The following CHIC2 variants were observed in gnomAD, a reference collection of about 807,000 sequenced individuals.
CHIC2 encodes the protein cysteine rich hydrophobic domain 2.
CHIC2 carries 14 observed loss-of-function variants against 25.9 expected under a neutral mutation model. The observed-to-expected ratio is 0.54, with a 90% CI of 0.36 to 0.85. The LOEUF (loss-of-function observed/expected upper bound fraction) is 0.85. Among genes scored for constraint, CHIC2 ranks in the 40% least tolerant of loss-of-function variants. CHIC2 has a pLI of 0.01. For synonymous variants in CHIC2, 70 were observed against 72.0 expected (o/e 0.97, Z 0.14); for missense variants, 146 against 202.0 (o/e 0.72, Z 1.68).
chr4:54,075,776 A>G, the CHIC2 span, among the ~76,000 whole-genome samples: 1 of 151,394 alleles, frequency 6.6e-6, no homozygotes, highest in Non-Finnish European at 1.5e-5. Flanking sequence ...CTGGCCTTGA[A>G]CTCCTGACCT....
chr4:54,017,029 T>C (rs1715758788), intron 3 of CHIC2, among the ~76,000 whole-genome samples: 1 of 152,088 alleles, frequency 6.6e-6, no homozygotes, highest in African/African-American at 2.4e-5. Flanking sequence ...CTAAAAAAAA[T>C]GACACTTCAG....
chr4:54,050,287 C>A (rs1396301847), intron 1 of CHIC2, among the ~76,000 whole-genome samples: 1 of 152,096 alleles, frequency 6.6e-6, no homozygotes, highest in Non-Finnish European at 1.5e-5. Context: ...TCCAACTTTA[C>A]ACCTAAATCT....
upstream of CHIC2, chr4:54,064,831 C>T (rs1216682621): frequency 2.3e-5 from 5 of 215,102 alleles, no homozygotes; most frequent in South Asian, 1.7e-4. This position sits in a 1 kb window ranked among gnomAD's most constrained non-coding sequence, Gnocchi z 4.2. Context: ...CCGGCGGGCC[C>T]CCCTCCGCCG....
chr4:54,071,136 G>T, the CHIC2 span, among the ~76,000 whole-genome samples: 3 of 152,268 alleles, frequency 2.0e-5, no homozygotes, highest in African/African-American at 2.4e-5. Context: ...TCTAAACTAG[G>T]CTGGGAGCTT....
chr4:54,058,569 C>T (rs989327810), intron 1 of CHIC2, among the ~76,000 whole-genome samples: 2 of 150,930 alleles, frequency 1.3e-5, no homozygotes, highest in Non-Finnish European at 3.0e-5. Flanking sequence ...TACACACACA[C>T]ACACACACAC....
chr4:54,062,334 T>G (rs1434712693), intron 1 of CHIC2, among the ~76,000 whole-genome samples: 1 of 135,668 alleles, frequency 7.4e-6, no homozygotes, highest in Admixed American at 6.9e-5. Context: ...TGAGATTTTA[T>G]TTATTTATTT....
rs773354784 is a variant in CHIC2 at position 54,064,154 on chromosome 4, C to A, written c.119+28G>T. ...ACGGGGCCCACCCCAGCCCGCACCT[C>A]CCGCCCTCGCCCTCCTCCGGGCCTT... On this transcript the variant is annotated intron_variant, in intron 1 of 5. Transcript: ENST00000263921. The surrounding 1 kb of genome is among the most constrained non-coding windows in gnomAD (Gnocchi z 4.2). The A allele has an allele frequency of 2.1e-5, 33 of 1,579,712 alleles. No individual in the cohort carries two copies. The highest frequency in any genetic ancestry group is 2.8e-5 in the Non-Finnish European group (32 of 1,161,132).
chr4:54,020,106 C>T (rs913167667), intron 3 of CHIC2, among the ~76,000 whole-genome samples: 1 of 152,076 alleles, frequency 6.6e-6, no homozygotes, highest in African/African-American at 2.4e-5. Context: ...CAAGCTAAGC[C>T]ATCATATCCC....
At chr4:54,020,798 G>C (rs181454030) in intron 3 of CHIC2, among the ~76,000 whole-genome samples, 45 of 152,316 alleles carry the variant, frequency 3.0e-4, no homozygotes, top group African/African-American at 9.9e-4. Flanking sequence ...GCCAGTCACA[G>C]ACTCGGGAAG....
At chr4:54,074,299 T>C in the CHIC2 span, among the ~76,000 whole-genome samples, 6 of 152,180 alleles carry the variant, frequency 3.9e-5, no homozygotes, top group African/African-American at 1.4e-4. Flanking sequence ...AGACACTGGT[T>C]TTCACTTTTA....
intron 3 of CHIC2, among the ~76,000 whole-genome samples, chr4:54,038,643 T>C (rs1716467063): frequency 6.6e-6 from 1 of 152,022 alleles, no homozygotes; most frequent in African/African-American, 2.4e-5. Context: ...TAAAGAAAGG[T>C]AAAGAAATTA....
chr4:54,070,418 GTATTTATT>G, the CHIC2 span, among the ~76,000 whole-genome samples: 4 of 119,164 alleles, frequency 3.4e-5, no homozygotes, highest in South Asian at 5.6e-4. Flanking sequence ...ATGTATTTAT[GTATTTATT>G]TATTTATTTA....
At chr4:54,077,130 A>G in the CHIC2 span, among the ~76,000 whole-genome samples, 3 of 152,226 alleles carry the variant, frequency 2.0e-5, no homozygotes, top group Non-Finnish European at 2.9e-5. Flanking sequence ...GTTAGTTGTT[A>G]TTGAGGGTGT....
chr4:54,080,221 C>T, the CHIC2 span, among the ~76,000 whole-genome samples: 2 of 146,332 alleles, frequency 1.4e-5, no homozygotes, highest in Non-Finnish European at 3.0e-5. Context: ...TATATTCAGC[C>T]ATTAAAAAAA....
chr4:54,011,021 T>C (rs1393609331), intron 5 of CHIC2, among the ~76,000 whole-genome samples: 1 of 152,164 alleles, frequency 6.6e-6, no homozygotes, highest in Admixed American at 6.6e-5. Flanking sequence ...AAATTTGAAT[T>C]TTCTTAAATT....
chr4:54,064,357 G>T lies in CHIC2; in HGVS notation c.-57C>A. 1 of 1,602,900 alleles carries T rather than the reference G, an allele frequency of 6.2e-7. No individual in the cohort carries two copies. Among genetic ancestry groups the T allele is most frequent in the Non-Finnish European group, 8.5e-7 (1 of 1,174,906 alleles). ...CCTGACTCCCGGGGTTGGCGCCGGG[G>T]TACCGGCGGGCGAGGCGGCGGAGGC... On this transcript the variant is annotated 5_prime_UTR_variant, in exon 1 of 6. Coordinates refer to ENST00000263921, the MANE Select transcript of CHIC2 (RefSeq NM_012110.4). This position sits in a 1 kb window ranked among gnomAD's most constrained non-coding sequence, Gnocchi z 4.2.
chr4:54,059,830 A>G (rs1425875936), intron 1 of CHIC2: 2 of 152,166 alleles, frequency 1.3e-5, no homozygotes, highest in Non-Finnish European at 2.9e-5. Flanking sequence ...TCTGGACACT[A>G]TATTAAATAG....
At chr4:54,070,111 A>G in the CHIC2 span, among the ~76,000 whole-genome samples, 1 of 152,224 alleles carries the variant, frequency 6.6e-6, no homozygotes, top group South Asian at 2.1e-4. Flanking sequence ...GTATGGAGGT[A>G]GGGAAGTAGA....
chr4:54,036,474 C>G (rs1164572137), intron 3 of CHIC2, among the ~76,000 whole-genome samples: 4 of 152,044 alleles, frequency 2.6e-5, no homozygotes, highest in Admixed American at 6.5e-5. Flanking sequence ...GCAGGAGCAA[C>G]GGGGTTGGGG....
Sources: gnomAD v4.1 joint callset for allele counts (sites outside exome capture counted in the v4.1 genomes callset) on GRCh38, gnomAD v4.1.1 for gene constraint, Gnocchi (gnomAD v3.1) non-coding constraint, MANE v1.5 for transcripts, NCBI Gene and HGNC (gene_info 2026-07-23, HGNC 2026-07-21) for gene names.